TRIQK: variants seen among roughly 807,000 people sequenced by gnomAD.
TRIQK encodes triple QxxK/R motif-containing protein.
In TRIQK, 10 loss-of-function variants were observed where a neutral mutation model predicts 10.8. The ratio of observed to expected loss-of-function variants is 0.92; its 90% CI spans 0.57 to 1.57. The LOEUF (loss-of-function observed/expected upper bound fraction) is 1.57, where lower values mean the gene tolerates loss of function less well. Ranked by LOEUF, TRIQK falls within the 40% of genes most tolerant of loss-of-function variation. The probability of loss-of-function intolerance (pLI) is 0.00; values close to 1 mark genes in which losing one functional copy is unlikely to be tolerated. For synonymous variants in TRIQK, 33 were observed against 33.7 expected, an observed-to-expected ratio of 0.98 and a Z score of 0.07; for missense variants, 107 against 97.7, an observed-to-expected ratio of 1.09 and a Z score of -0.40.
chr8:92,952,809 T>G (rs1811975779), intron 2 of TRIQK, among the ~76,000 whole-genome samples: 1 of 152,048 alleles, frequency 6.6e-6, no homozygotes, highest in African/African-American at 2.4e-5. Context: ...AGTTCCCCAT[T>G]CAAAATTTAG....
chr8:92,988,931 T>C (rs962907566), intron 1 of TRIQK, among the ~76,000 whole-genome samples: 5 of 152,188 alleles, frequency 3.3e-5, no homozygotes, highest in Admixed American at 2.6e-4. Flanking sequence ...AACATGGCAG[T>C]GTTTTATTTA....
chr8:92,941,154 C>T (rs768449973), intron 2 of TRIQK: 6 of 152,344 alleles, frequency 3.9e-5, no homozygotes, highest in Middle Eastern at 3.4e-3. Context: ...TCAACCTCCG[C>T]CTCCTGGGTT....
chr8:92,943,938 C>G (rs545569457), intron 2 of TRIQK, among the ~76,000 whole-genome samples: 4 of 152,042 alleles, frequency 2.6e-5, no homozygotes, highest in Admixed American at 2.0e-4. Flanking sequence ...TATTTGTAAA[C>G]TATGCATCTG....
intron 1 of TRIQK, among the ~76,000 whole-genome samples, chr8:92,962,392 G>A (rs998028263): frequency 6.6e-6 from 1 of 152,176 alleles, no homozygotes; most frequent in Non-Finnish European, 1.5e-5. Flanking sequence ...ATAGAAGAAT[G>A]TCCACTGGAG....
chr8:92,922,733 C>A (rs911441858), intron 2 of TRIQK: 15 of 151,620 alleles, frequency 9.9e-5, no homozygotes, highest in African/African-American at 3.6e-4. Context: ...TCTAAATTTT[C>A]AGAGGGGCCT....
intron 1 of TRIQK, among the ~76,000 whole-genome samples, chr8:92,992,802 C>T (rs1189770269): frequency 6.6e-6 from 1 of 152,138 alleles, no homozygotes; most frequent in Non-Finnish European, 1.5e-5. Context: ...TCCGGCACCC[C>T]AGAACCCTCA....
At chr8:92,910,760 AGG>A (rs1395629397) in intron 3 of TRIQK, among the ~76,000 whole-genome samples, 1 of 151,310 alleles carries the variant, frequency 6.6e-6, no homozygotes, top group Non-Finnish European at 1.5e-5. Flanking sequence ...ATAATAGAAA[AGG>A]GGAAATTATC....
chr8:92,901,969 G>A (rs574956103), intron 3 of TRIQK, among the ~76,000 whole-genome samples: 1 of 152,220 alleles, frequency 6.6e-6, no homozygotes, highest in Admixed American at 6.5e-5. Context: ...CAATCTTAGT[G>A]AGTTGTATGA....
At chr8:92,969,907 A>C (rs1306930027), upstream of TRIQK, among the ~76,000 whole-genome samples, 1 of 152,062 alleles carries the variant, frequency 6.6e-6, no homozygotes, top group Non-Finnish European at 1.5e-5. Context: ...TATTAAGCCC[A>C]GCATGCATTA....
intron 4 of TRIQK, among the ~76,000 whole-genome samples, chr8:92,887,870 C>T (rs574231964): frequency 4.0e-5 from 6 of 151,416 alleles, no homozygotes; most frequent in African/African-American, 1.4e-4. Context: ...TTTAGATGTC[C>T]AAACTATGAA....
At chr8:92,900,569 T>A (rs1201738445) in intron 3 of TRIQK, among the ~76,000 whole-genome samples, 1 of 152,158 alleles carries the variant, frequency 6.6e-6, no homozygotes, top group Non-Finnish European at 1.5e-5. Context: ...AATTTGTTTC[T>A]GAGTTCTCTA....
chr8:92,986,068 T>A (rs1297281221), intron 1 of TRIQK, among the ~76,000 whole-genome samples: 1 of 152,178 alleles, frequency 6.6e-6, no homozygotes, highest in Non-Finnish European at 1.5e-5. Context: ...TGGCCTTCAA[T>A]CACAGGGAGG....
intron 3 of TRIQK, among the ~76,000 whole-genome samples, chr8:92,905,099 T>C (rs1809181388): frequency 6.6e-6 from 1 of 152,078 alleles, no homozygotes; most frequent in Non-Finnish European, 1.5e-5. Context: ...TGTAAATCGA[T>C]GAACAGACAC....
chr8:92,906,417 A>G (rs1310537175), intron 3 of TRIQK, among the ~76,000 whole-genome samples: 1 of 152,180 alleles, frequency 6.6e-6, no homozygotes, highest in African/African-American at 2.4e-5. Context: ...ATTTTGACCA[A>G]TCATAAAATT....
chr8:93,004,780 AC>A (rs1813251161), intron 1 of TRIQK, among the ~76,000 whole-genome samples: 1 of 152,220 alleles, frequency 6.6e-6, no homozygotes, highest in East Asian at 1.9e-4. Context: ...ACAGATCCCT[AC>A]AGCAGGGGCA....
chr8:92,923,601 T>C (rs914336593), intron 2 of TRIQK, among the ~76,000 whole-genome samples: 4 of 151,902 alleles, frequency 2.6e-5, no homozygotes, highest in South Asian at 2.1e-4. Flanking sequence ...TTCTTGAAAC[T>C]TGATAACACA....
intron 1 of TRIQK, among the ~76,000 whole-genome samples, chr8:93,010,883 G>A (rs1445634052): frequency 2.0e-5 from 3 of 152,026 alleles, no homozygotes; most frequent in Non-Finnish European, 4.4e-5. Flanking sequence ...CATGCTATTT[G>A]CAGTCAAATG....
At chr8:92,969,463 G>A (rs1297362276), upstream of TRIQK, among the ~76,000 whole-genome samples, 1 of 150,672 alleles carries the variant, frequency 6.6e-6, no homozygotes, top group East Asian at 1.9e-4. Flanking sequence ...CTTTATGACT[G>A]TTCTCAGTGT....
intron 3 of TRIQK, among the ~76,000 whole-genome samples, chr8:92,897,527 C>A (rs1175353570): frequency 6.6e-6 from 1 of 152,112 alleles, no homozygotes; most frequent in East Asian, 1.9e-4. Context: ...TGAGCTTGGT[C>A]CCTTTCCTCT....
Sources: allele counts gnomAD v4.1 joint callset (sites outside exome capture counted in the v4.1 genomes callset), GRCh38; gene constraint gnomAD v4.1.1; transcripts MANE v1.5; gene names NCBI Gene and HGNC (gene_info 2026-07-23, HGNC 2026-07-21).